Variants in CPNE4 observed in about 807,000 individuals in gnomAD.
CPNE4 encodes copine 4.
In CPNE4, 25 loss-of-function variants were observed where a neutral mutation model predicts 67.9. The observed-to-expected ratio is 0.37, with a 90% CI of 0.27 to 0.51. CPNE4 has a LOEUF of 0.51. CPNE4 is among the 20% of genes least tolerant of loss of function. CPNE4 has a pLI of 0.93. For missense variants in CPNE4, 464 were observed against 690.8 expected (o/e 0.67, Z 3.68); for synonymous variants, 242 against 244.9 (o/e 0.99, Z 0.11).
At chr3:131,948,940 A>T (rs1475509585) in intron 1 of CPNE4, among the ~76,000 whole-genome samples, 1 of 152,218 alleles carries the variant, frequency 6.6e-6, no homozygotes, top group Non-Finnish European at 1.5e-5. Flanking sequence ...TATGTGAAGA[A>T]AAGAGAACAG....
intron 1 of CPNE4, among the ~76,000 whole-genome samples, chr3:131,920,116 C>T (rs900394573): frequency 1.3e-5 from 2 of 152,152 alleles, no homozygotes; most frequent in Non-Finnish European, 2.9e-5. Context: ...ATAAATGCTG[C>T]AGGCCAAAGC....
chr3:131,645,095 C>A (rs1477990744), intron 7 of CPNE4, among the ~76,000 whole-genome samples: 1 of 152,188 alleles, frequency 6.6e-6, no homozygotes, highest in East Asian at 1.9e-4. Flanking sequence ...AATGGTTCTG[C>A]AAACTGAAAG....
In CPNE4 at chr3:131,669,692, G is replaced by T. The variant is rs1400219657; in HGVS notation, c.664C>A (p.Pro222Thr). Residue 222 changes from proline to threonine, a missense_variant, in exon 7 of 16, where the codon CCA (proline) becomes ACA (threonine). Physicochemically the swap from Pro to Thr is conservative, Grantham distance 38. Coordinates refer to ENST00000429747, the MANE Select transcript of CPNE4 (RefSeq NM_130808.3). The part of the protein sequence containing the change: ...VSVNSLCSGD[P>T]DRRLKCIVWD... ...TTTCTGACCTTTAGCCGGCGGTCTG[G>T]GTCTCCGCTGCATAGAGAATTTACA... 3 of 1,612,840 alleles carry T rather than the reference G, an allele frequency of 1.9e-6. No homozygotes were observed. Among genetic ancestry groups the T allele is most frequent in the Middle Eastern group, 1.6e-4 (1 of 6,078 alleles).
chr3:132,002,861 T>TA (rs2073492217), intron 1 of CPNE4, among the ~76,000 whole-genome samples: 1 of 152,142 alleles, frequency 6.6e-6, no homozygotes, highest in South Asian at 2.1e-4. Flanking sequence ...TCCCTTCTGA[T>TA]AGGCTGATGA....
chr3:131,990,883 A>G (rs1369323226), intron 1 of CPNE4, among the ~76,000 whole-genome samples: 1 of 135,092 alleles, frequency 7.4e-6, no homozygotes, highest in Non-Finnish European at 1.7e-5. Context: ...GGGGGAAGTT[A>G]CTCCCATGCT....
intron 2 of CPNE4, among the ~76,000 whole-genome samples, chr3:131,875,532 G>C (rs113214534): frequency 0.35 from 53,712 of 151,822 alleles, 10,669 homozygotes; most frequent in African/African-American, 0.53. Context: ...TCCTTTGTAG[G>C]GACATGGATG....
intron 7 of CPNE4, among the ~76,000 whole-genome samples, chr3:131,667,843 T>C (rs1649270905): frequency 6.6e-6 from 1 of 152,142 alleles, no homozygotes; most frequent in Admixed American, 6.6e-5. Context: ...AAAAGTTTAA[T>C]GACTCCTCAT....
intron 9 of CPNE4, among the ~76,000 whole-genome samples, chr3:131,580,479 T>TACAC (rs1263306221): frequency 1.1e-4 from 17 of 150,372 alleles, no homozygotes; most frequent in African/African-American, 4.2e-4. Context: ...TATGCCTGTA[T>TACAC]ACACACACAC....
chr3:131,642,718 T>C (rs1179430426), intron 7 of CPNE4, among the ~76,000 whole-genome samples: 2 of 152,134 alleles, frequency 1.3e-5, no homozygotes, highest in Non-Finnish European at 2.9e-5. Flanking sequence ...AAGGGGCTTT[T>C]CCCCCTTTGC....
intron 2 of CPNE4, among the ~76,000 whole-genome samples, chr3:131,770,216 G>A (rs1255885020): frequency 6.6e-6 from 1 of 152,140 alleles, no homozygotes; most frequent in Non-Finnish European, 1.5e-5. Flanking sequence ...GGATTTTGAA[G>A]GGAGCTTTTC....
chr3:131,835,240 G>T (rs544239058), intron 2 of CPNE4, among the ~76,000 whole-genome samples: 295 of 152,242 alleles, frequency 1.9e-3, no homozygotes, highest in African/African-American at 6.9e-3. Context: ...GAATAAAAAG[G>T]CCCAGGGGCC....
chr3:131,765,617 T>G (rs1387645255), intron 2 of CPNE4, among the ~76,000 whole-genome samples: 1 of 152,140 alleles, frequency 6.6e-6, no homozygotes, highest in East Asian at 1.9e-4. Context: ...GGTCCTTTAC[T>G]ATAGTCTAAT....
At chr3:131,797,868 T>C (rs2083961621) in intron 2 of CPNE4, among the ~76,000 whole-genome samples, 1 of 152,184 alleles carries the variant, frequency 6.6e-6, no homozygotes, top group Non-Finnish European at 1.5e-5. Flanking sequence ...CAAATTGCCA[T>C]AATAAAATAC....
intron 2 of CPNE4, among the ~76,000 whole-genome samples, chr3:131,831,591 A>G (rs1017101018): frequency 6.6e-6 from 1 of 152,190 alleles, no homozygotes; most frequent in African/African-American, 2.4e-5. Flanking sequence ...TATGTTGAAA[A>G]TGAAGAACAC....
At chr3:131,956,859 A>C (rs1031927881) in intron 1 of CPNE4, among the ~76,000 whole-genome samples, 5 of 152,212 alleles carry the variant, frequency 3.3e-5, no homozygotes. Flanking sequence ...AGAATTAAAG[A>C]CTTGTAGAAT....
chr3:132,029,405 A>G (rs574425649), intron 1 of CPNE4, among the ~76,000 whole-genome samples: 5 of 152,160 alleles, frequency 3.3e-5, no homozygotes, highest in Admixed American at 1.3e-4. Context: ...GTTGGGTCAA[A>G]CTCCATTCCT....
intron 2 of CPNE4, among the ~76,000 whole-genome samples, chr3:131,772,753 T>G (rs1049023729): frequency 2.0e-5 from 3 of 152,152 alleles, no homozygotes; most frequent in Admixed American, 6.6e-5. Context: ...GTGTTTCTGT[T>G]GGTGTTTTGC....
chr3:131,905,300 G>T lies in CPNE4; in HGVS notation c.144C>A (p.Val48=). 6.2e-7 allele frequency: 1 copy of T among 1,613,494 alleles called. No homozygotes were observed. Among genetic ancestry groups the T allele is most frequent in the South Asian group, 1.1e-5 (1 of 91,050 alleles). The change falls in exon 2 of 16, where the codon GTC becomes GTA. Residue 48 remains valine, a synonymous_variant. Coordinates refer to ENST00000429747, the MANE Select transcript of CPNE4 (RefSeq NM_130808.3). ...RDALSKPDPC[V]ILKMQSHGQW... is the part of the protein sequence containing the mutation. ...GCCCATGAGACTGCATCTTGAGGAT[G>T]ACACAGGGGTCTGGTTTGGAAAGGG...
chr3:132,000,544 G>A (rs189012106), intron 1 of CPNE4, among the ~76,000 whole-genome samples: 7 of 151,052 alleles, frequency 4.6e-5, no homozygotes, highest in East Asian at 1.9e-4. Context: ...ACTAGTAAAC[G>A]TTAAGGACAA....
Sources: allele counts gnomAD v4.1 joint callset (sites outside exome capture counted in the v4.1 genomes callset), GRCh38; gene constraint gnomAD v4.1.1; transcripts MANE v1.5; gene names NCBI Gene and HGNC (gene_info 2026-07-23, HGNC 2026-07-21).